POF1B: variants seen among roughly 807,000 people sequenced by gnomAD.
POF1B encodes the protein POF1B actin binding protein, also known as protein POF1B.
POF1B carries 53 observed loss-of-function variants against 55.3 expected under a neutral mutation model. That is an observed-to-expected ratio of 0.96 (90% CI 0.77 to 1.20). The LOEUF (loss-of-function observed/expected upper bound fraction) is 1.20, where lower values mean the gene tolerates loss of function less well. POF1B is among the 50% of genes most tolerant of loss of function. POF1B has a pLI of 0.00. For synonymous variants in POF1B, 188 were observed against 148.3 expected (o/e 1.27, Z -1.95); for missense variants, 478 against 420.5 (o/e 1.14, Z -1.20).
At chrX:85,300,480 G>A (rs181489779) in intron 15 of POF1B, among the ~76,000 whole-genome samples, 142 of 112,190 alleles carry the variant, frequency 1.3e-3, no homozygotes, top group Admixed American at 1.0e-3. Flanking sequence ...GACCACATAT[G>A]AAAAGAATAC....
intron 14 of POF1B, 30 bp downstream of exon 14, chrX:85,304,313 T>C (rs1932523862): frequency 1.8e-6 from 2 of 1,137,860 alleles, no homozygotes; most frequent in East Asian, 6.3e-5. Flanking sequence ...TTGTATTACT[T>C]TTCTCCATCC....
At chrX:85,321,358 T>C (rs1476293006) in intron 7 of POF1B, among the ~76,000 whole-genome samples, 2 of 110,725 alleles carry the variant, frequency 1.8e-5, no homozygotes, top group Admixed American at 1.9e-4. Context: ...ATTATCTCAA[T>C]AGATGCAGAA....
At chrX:85,320,736 A>G (rs1164130593) in intron 7 of POF1B, among the ~76,000 whole-genome samples, 5 of 111,514 alleles carry the variant, frequency 4.5e-5, no homozygotes, top group African/African-American at 1.3e-4. Flanking sequence ...TCAAACAGAC[A>G]CAATAAAAAA....
At chrX:85,344,627 A>T (rs1679212235) in intron 6 of POF1B, among the ~76,000 whole-genome samples, 1 of 111,643 alleles carries the variant, frequency 9.0e-6, no homozygotes, top group Admixed American at 9.6e-5. Context: ...CAAATGATCT[A>T]ATCTAATAAA....
At chrX:85,302,348 A>T (rs1341773502) in intron 15 of POF1B, among the ~76,000 whole-genome samples, 2 of 111,484 alleles carry the variant, frequency 1.8e-5, no homozygotes, top group East Asian at 5.6e-4. Context: ...TTGCTAAAAA[A>T]CATTAGTTAT....
intron 15 of POF1B, among the ~76,000 whole-genome samples, chrX:85,295,322 A>T (rs983199404): frequency 9.0e-6 from 1 of 111,600 alleles, no homozygotes; most frequent in Admixed American, 9.5e-5. Flanking sequence ...TTAGATTGTT[A>T]ACTTGAGATC....
intron 15 of POF1B, among the ~76,000 whole-genome samples, chrX:85,289,574 G>A (rs1932136181): frequency 1.8e-5 from 2 of 111,526 alleles, no homozygotes; most frequent in South Asian, 3.7e-4. Context: ...ATAAGCACAA[G>A]TTTTTACCAC....
intron 15 of POF1B, among the ~76,000 whole-genome samples, chrX:85,298,064 A>T (rs1464637991): frequency 8.9e-6 from 1 of 111,926 alleles, no homozygotes; most frequent in Non-Finnish European, 1.9e-5. Context: ...GTGCTAGGAG[A>T]GCTGAAGTGT....
Position 85,379,619 on chromosome X carries a change from C to A in POF1B, c.-42+20G>T. 22 of 525,478 alleles carry A rather than the reference C, an allele frequency of 4.2e-5. No individual in the cohort carries two copies. The highest frequency in any genetic ancestry group is 3.7e-5 in the East Asian group (1 of 27,344). 43.3% of individuals were successfully genotyped at this position (525,478 alleles called of 1,213,427 possible). ...TCAAAACCTCTGCCAATAGTGGTGC[C>A]GGGAAGAGAAGAAAGCTACCTGAGC... On this transcript the variant is annotated intron_variant, in intron 1 of 16. Coordinates refer to ENST00000262753, the MANE Select transcript of POF1B (RefSeq NM_024921.4).
intron 7 of POF1B, among the ~76,000 whole-genome samples, chrX:85,316,219 ACT>A (rs781335445): frequency 9.8e-5 from 11 of 111,794 alleles, no homozygotes; most frequent in Non-Finnish European, 1.9e-4. Flanking sequence ...AGCCTGAATA[ACT>A]CATTTAATCT....
intron 4 of POF1B, among the ~76,000 whole-genome samples, chrX:85,354,880 G>A (rs1032688510): frequency 9.0e-6 from 1 of 111,215 alleles, no homozygotes; most frequent in Non-Finnish European, 1.9e-5. Flanking sequence ...TGGCCATACT[G>A]CCCAAGGTAG....
At chrX:85,306,406 C>T (rs1932576660) in intron 11 of POF1B, 73 bp from the exon 12 acceptor site, 2 of 1,005,695 alleles carry the variant, frequency 2.0e-6, no homozygotes, top group South Asian at 2.2e-5. Flanking sequence ...TTTATTGATT[C>T]ATTCAATTGA....
intron 3 of POF1B, among the ~76,000 whole-genome samples, 178 bp downstream of exon 3, chrX:85,367,514 A>G (rs990000261): frequency 1.8e-5 from 2 of 112,277 alleles, no homozygotes; most frequent in African/African-American, 6.5e-5. Context: ...CTTGTTTCAC[A>G]TTACTTTTAT....
intron 14 of POF1B, 38 bp from the exon 15 acceptor site, chrX:85,303,526 G>A (rs1374891063): frequency 1.1e-6 from 1 of 887,881 alleles, no homozygotes; most frequent in Non-Finnish European, 1.6e-6. Context: ...TTGATGGAAA[G>A]TAGAAACATG....
At chrX:85,365,328 T>A (rs1376905472) in intron 3 of POF1B, among the ~76,000 whole-genome samples, 1 of 112,134 alleles carries the variant, frequency 8.9e-6, no homozygotes, top group Non-Finnish European at 1.9e-5. Flanking sequence ...CATAAGCCAC[T>A]CTGGCCTTTT....
At chrX:85,323,004 A>G (rs1200645601) in intron 7 of POF1B, among the ~76,000 whole-genome samples, 1 of 110,193 alleles carries the variant, frequency 9.1e-6, no homozygotes, top group Non-Finnish European at 1.9e-5. Context: ...GTGGGACTGT[A>G]AACTAGTTCA....
chrX:85,376,947 A>G (rs1007740770), intron 2 of POF1B, among the ~76,000 whole-genome samples: 6 of 111,653 alleles, frequency 5.4e-5, no homozygotes, highest in African/African-American at 1.6e-4. Context: ...ACAAAACAAA[A>G]CAAAACAAAA....
Position 85,299,181 on chromosome X carries a change from C to CT in POF1B, c.1649+4224dup, listed in dbSNP as rs1192466719. Reference sequence around the variant, plus strand: ...CTATGCAATAGAATTTTAAAACAATCTTTTTTTTTCTTTTTTTTTTTTTTT... The same window carrying CT: ...CTATGCAATAGAATTTTAAAACAATCTTTTTTTTTTCTTTTTTTTTTTTTTT... On this transcript the variant is annotated intron_variant, in intron 15 of 16. Transcript: ENST00000262753. Among the ~76,000 whole-genome samples, 5 of 88,603 alleles carry CT rather than the reference C, an allele frequency of 5.6e-5. No individual in the cohort carries two copies. The East Asian group carries it at 1.0e-3, about 19-fold the overall frequency. The allele number at this position is 88,603 out of a possible 115,157, so 76.9% of individuals were successfully genotyped here. A position where few individuals can be genotyped will look rare whatever the true frequency, so the allele number is the denominator to read the frequency against.
At chrX:85,323,726 T>G (rs1932866468) in intron 7 of POF1B, among the ~76,000 whole-genome samples, 1 of 111,520 alleles carries the variant, frequency 9.0e-6, no homozygotes, top group Non-Finnish European at 1.9e-5. Flanking sequence ...TCAGTTCAGC[T>G]TGAATTTGGT....
Sources: gnomAD v4.1 joint callset for allele counts (sites outside exome capture counted in the v4.1 genomes callset) on GRCh38, gnomAD v4.1.1 for gene constraint, MANE v1.5 for transcripts, NCBI Gene and HGNC (gene_info 2026-07-23, HGNC 2026-07-21) for gene names.